The following ROR1 variants were observed in gnomAD, a reference collection of about 807,000 sequenced individuals.
ROR1 encodes ROR family WNT receptor 1.
Under a neutral mutation model 78.8 loss-of-function variants are expected in ROR1, and 19 were observed. The ratio of observed to expected loss-of-function variants is 0.24; its 90% CI spans 0.17 to 0.35. The LOEUF (loss-of-function observed/expected upper bound fraction) is 0.35. Among genes scored for constraint, ROR1 ranks in the 10% least tolerant of loss-of-function variants. The pLI, the probability that ROR1 is intolerant of heterozygous loss-of-function variation, is 1.00. For synonymous variants in ROR1, 386 were observed against 433.6 expected (o/e 0.89, Z 1.36); for missense variants, 917 against 1,177.8 (o/e 0.78, Z 3.24).
chr1:64,131,716 G>A lies in ROR1; in HGVS notation c.483-5653G>A, dbSNP rs369506932. On this transcript the variant is annotated intron_variant, in intron 4 of 8. Transcript: ENST00000371079. ...TACAGCCTCAAACTCCTGGACTCAAGCAATCCTCCTGCCTCAGCCCCCTGA... is the reference window on the plus strand; with the variant it reads ...TACAGCCTCAAACTCCTGGACTCAAACAATCCTCCTGCCTCAGCCCCCTGA... Among the ~76,000 whole-genome samples the A allele has an allele frequency of 2.1e-4, 32 of 152,300 alleles. 2 individuals carry two copies. The highest frequency in any genetic ancestry group is 9.8e-4 in the Admixed American group (15 of 15,296).
chr1:64,061,238 A>G (rs1052659295), intron 4 of ROR1, among the ~76,000 whole-genome samples: 2 of 152,192 alleles, frequency 1.3e-5, no homozygotes, highest in Non-Finnish European at 2.9e-5. Context: ...ATTTTTACCA[A>G]GTTTTTTTCT....
intron 1 of ROR1, among the ~76,000 whole-genome samples, chr1:63,938,190 T>A (rs1645808416): frequency 6.6e-6 from 1 of 152,232 alleles, no homozygotes; most frequent in Admixed American, 6.5e-5. Flanking sequence ...AATTTTTTCT[T>A]CTCATTATTC....
intron 1 of ROR1, among the ~76,000 whole-genome samples, chr1:63,986,260 T>G (rs1646251092): frequency 6.6e-6 from 1 of 152,242 alleles, no homozygotes; most frequent in South Asian, 2.1e-4. Context: ...CATTTATGTC[T>G]TTCTGTATTT....
chr1:63,941,100 T>C (rs1421626664), intron 1 of ROR1, among the ~76,000 whole-genome samples: 1 of 152,182 alleles, frequency 6.6e-6, no homozygotes, highest in Non-Finnish European at 1.5e-5. Context: ...TAAAGAGACA[T>C]GGTCACTAAA....
chr1:64,143,327 C>A, intron 7 of ROR1: 2 of 942,468 alleles, frequency 2.1e-6, no homozygotes, highest in Non-Finnish European at 2.5e-6. Context: ...TCAAGACCAG[C>A]CCAGGCAACA....
intron 1 of ROR1, among the ~76,000 whole-genome samples, chr1:64,004,220 T>C (rs1646410047): frequency 1.3e-5 from 2 of 152,216 alleles, no homozygotes; most frequent in African/African-American, 4.8e-5. Context: ...AATGAGGAGA[T>C]TGTATGACAT....
At chr1:64,173,012 CT>C (rs1650281797) in intron 8 of ROR1, among the ~76,000 whole-genome samples, 1 of 152,130 alleles carries the variant, frequency 6.6e-6, no homozygotes, top group Non-Finnish European at 1.5e-5. Context: ...GATTTTTTAA[CT>C]AGTTCAGGAT....
intron 4 of ROR1, among the ~76,000 whole-genome samples, chr1:64,100,836 G>A (rs1047582391): frequency 6.6e-6 from 1 of 152,166 alleles, no homozygotes; most frequent in Admixed American, 6.6e-5. Context: ...ATACTCTGGG[G>A]TGTGTAATTC....
chr1:63,795,204 C>T (rs191385717), intron 1 of ROR1, among the ~76,000 whole-genome samples: 3 of 152,228 alleles, frequency 2.0e-5, no homozygotes, highest in Middle Eastern at 3.4e-3. Context: ...TCAGAAGCCC[C>T]GCTGAGAGGG....
chr1:63,817,850 G>T (rs190363156), intron 1 of ROR1, among the ~76,000 whole-genome samples: 60 of 150,762 alleles, frequency 4.0e-4, no homozygotes, highest in African/African-American at 1.5e-3. Context: ...TTTAAGCCTC[G>T]TGCTTCTTCT....
chr1:63,945,274 A>T (rs1645875217), intron 1 of ROR1, among the ~76,000 whole-genome samples: 1 of 152,192 alleles, frequency 6.6e-6, no homozygotes, highest in South Asian at 2.1e-4. Context: ...CGGTATACAC[A>T]TGCAATAACA....
intron 1 of ROR1, among the ~76,000 whole-genome samples, chr1:63,821,070 C>G (rs1644920587): frequency 1.3e-5 from 2 of 152,186 alleles, no homozygotes; most frequent in Admixed American, 6.5e-5. Context: ...TTTGCATCCA[C>G]ACAGCCCTTT....
chr1:63,930,597 C>T (rs1464410026), intron 1 of ROR1, among the ~76,000 whole-genome samples: 1 of 152,162 alleles, frequency 6.6e-6, no homozygotes, highest in African/African-American at 2.4e-5. Flanking sequence ...AAGTTTGGAC[C>T]TAGGTACGAC....
rs116833580 is a variant in ROR1, at chr1:63,884,180, G to A, written c.91+109672G>A. On this transcript the variant is annotated intron_variant, in intron 1 of 8. Transcript: ENST00000371079. ...CCCCCAGAAAGCAGTTGGACTCTTC[G>A]TACCCCTTTGATGTCCCCTCTTGGG... Among the ~76,000 whole-genome samples the A allele has an allele frequency of 2.8e-3, 419 of 152,238 alleles. 4 individuals are homozygous for A. Among genetic ancestry groups the A allele is most frequent in the African/African-American group, 9.6e-3 (400 of 41,538 alleles).
intron 8 of ROR1, among the ~76,000 whole-genome samples, chr1:64,165,950 C>T (rs1379620257): frequency 6.6e-6 from 1 of 152,128 alleles, no homozygotes; most frequent in Non-Finnish European, 1.5e-5. Context: ...AAGTGATTCA[C>T]CTGCCTTGGC....
chr1:64,051,034 T>G (rs1646824116), intron 4 of ROR1, among the ~76,000 whole-genome samples: 1 of 152,152 alleles, frequency 6.6e-6, no homozygotes, highest in South Asian at 2.1e-4. Context: ...AATGATATAG[T>G]GCTGGCATAG....
At chr1:63,961,129 T>A (rs994059072) in intron 1 of ROR1, among the ~76,000 whole-genome samples, 1 of 139,462 alleles carries the variant, frequency 7.2e-6, no homozygotes, top group African/African-American at 2.5e-5. Context: ...CATTCCCTCT[T>A]TTTTTTTAAA....
intron 1 of ROR1, among the ~76,000 whole-genome samples, chr1:63,775,680 G>C (rs1644612492): frequency 6.6e-6 from 1 of 152,250 alleles, no homozygotes; most frequent in South Asian, 2.1e-4. Context: ...TGCAGAATTA[G>C]TTTTTACTAA....
At chr1:63,834,855 C>T (rs1301085620) in intron 1 of ROR1, among the ~76,000 whole-genome samples, 1 of 152,062 alleles carries the variant, frequency 6.6e-6, no homozygotes, top group African/African-American at 2.4e-5. Flanking sequence ...TTGGTCTGCA[C>T]TGCCATTACC....
Sources: allele counts gnomAD v4.1 joint callset (sites outside exome capture counted in the v4.1 genomes callset), GRCh38; gene constraint gnomAD v4.1.1; transcripts MANE v1.5; gene names NCBI Gene and HGNC (gene_info 2026-07-23, HGNC 2026-07-21).